The following SGMS2 variants were observed in gnomAD, a reference collection of about 807,000 sequenced individuals.
SGMS2 encodes phosphatidylcholine:ceramide cholinephosphotransferase 2.
SGMS2 carries 21 observed loss-of-function variants against 43.8 expected under a neutral mutation model. The observed-to-expected ratio is 0.48, with a 90% CI of 0.34 to 0.69. SGMS2 has a LOEUF of 0.69. Among genes scored for constraint, SGMS2 ranks in the 30% least tolerant of loss-of-function variants. The pLI, the probability that SGMS2 is intolerant of heterozygous loss-of-function variation, is 0.01. For synonymous variants in SGMS2, 167 were observed against 160.6 expected (o/e 1.04, Z -0.30); for missense variants, 384 against 443.2 (o/e 0.87, Z 1.20).
At chr4:107,862,392 A>G (rs1727786842) in intron 2 of SGMS2, among the ~76,000 whole-genome samples, 1 of 152,220 alleles carries the variant, frequency 6.6e-6, no homozygotes, top group African/African-American at 2.4e-5. Flanking sequence ...ATATTGTGCT[A>G]ATCAATTCTT....
At chr4:107,831,300 C>T (rs996112856) in intron 1 of SGMS2, among the ~76,000 whole-genome samples, 3 of 152,050 alleles carry the variant, frequency 2.0e-5, no homozygotes, top group South Asian at 4.1e-4. Flanking sequence ...TTCTGTGGTC[C>T]GTGCTGCCTT....
intron 1 of SGMS2, among the ~76,000 whole-genome samples, chr4:107,831,303 G>T (rs890059714): frequency 1.7e-4 from 26 of 152,136 alleles, no homozygotes; most frequent in African/African-American, 6.3e-4. Flanking sequence ...TGTGGTCCGT[G>T]CTGCCTTAAG....
chr4:107,904,558 T>C (rs1043702297), intron 5 of SGMS2, among the ~76,000 whole-genome samples: 5 of 152,306 alleles, frequency 3.3e-5, no homozygotes, highest in South Asian at 2.1e-4. Flanking sequence ...TTTGTGAGAA[T>C]TGTAGCGTCT....
At chr4:107,829,883 C>G (rs1288988533) in intron 1 of SGMS2, among the ~76,000 whole-genome samples, 1 of 152,052 alleles carries the variant, frequency 6.6e-6, no homozygotes, top group African/African-American at 2.4e-5. Flanking sequence ...CATGCAATTC[C>G]TTTATTTTTC....
At chr4:107,836,838 TAGAGAGACTGGG>T (rs1368913583) in intron 1 of SGMS2, among the ~76,000 whole-genome samples, 1 of 152,024 alleles carries the variant, frequency 6.6e-6, no homozygotes, top group Admixed American at 6.6e-5. Context: ...CCAGGCATAG[TAGAGAGACTGGG>T]AGAGAGGATG....
intron 2 of SGMS2, among the ~76,000 whole-genome samples, chr4:107,859,028 C>T (rs1008100442): frequency 2.6e-5 from 4 of 152,198 alleles, no homozygotes; most frequent in African/African-American, 9.7e-5. Context: ...AATTAAAGAG[C>T]TGTGGCAGTT....
rs1352303470 is a variant in SGMS2, at chr4:107,863,737, C to G, written c.-245+5184C>G. On this transcript the variant is annotated intron_variant, in intron 2 of 6. Coordinates refer to ENST00000690982, the MANE Select transcript of SGMS2 (RefSeq NM_001375905.1). Reference sequence around the variant, plus strand: ...ACTGTTTTTTCCTTCTGTTATATCCCCCTTTTTATATAAGATATAATAAAA... The same window carrying G: ...ACTGTTTTTTCCTTCTGTTATATCCGCCTTTTTATATAAGATATAATAAAA... 4 of 152,064 alleles carry G rather than the reference C, an allele frequency of 2.6e-5. No homozygotes were observed. The East Asian group carries it at 7.7e-4, about 29-fold the overall frequency. The allele number at this position is 152,064 out of a possible 1,614,324, so 9.4% of individuals were successfully genotyped here. A position where few individuals can be genotyped will look rare whatever the true frequency, so the allele number is the denominator to read the frequency against.
chr4:107,828,579 CTTAG>C (rs1363402633), intron 1 of SGMS2, among the ~76,000 whole-genome samples: 3 of 152,318 alleles, frequency 2.0e-5, no homozygotes, highest in African/African-American at 7.2e-5. Flanking sequence ...TCGCTGAACA[CTTAG>C]TTTGTTGCCA....
At chr4:107,893,875 CCATT>C (rs1487162665) in intron 2 of SGMS2, among the ~76,000 whole-genome samples, 1 of 152,152 alleles carries the variant, frequency 6.6e-6, no homozygotes, top group Non-Finnish European at 1.5e-5. Context: ...TCACAATATG[CCATT>C]CAGTCTTCTC....
chr4:107,905,833 T>A (rs560966275), intron 5 of SGMS2, among the ~76,000 whole-genome samples: 1 of 152,352 alleles, frequency 6.6e-6, no homozygotes, highest in South Asian at 2.1e-4. Flanking sequence ...AACTTGTGAT[T>A]GATTTTATAC....
At position 107,900,448 on chromosome 4, in the gene SGMS2, G is replaced by A. The variant is rs150591272; in HGVS notation, c.573+756G>A. Among the ~76,000 whole-genome samples the A allele has an allele frequency of 3.5e-4, 53 of 152,246 alleles. No individual in the cohort carries two copies. In the East Asian group the frequency reaches 0.01, roughly 29 times the overall value. ...GAAATAATGAGAAGTTGTTCAGTTC[G>A]GGATATAGGATATGCTAATAAGTTG... On this transcript the variant is annotated intron_variant, in intron 4 of 6. Transcript: ENST00000690982.
chr4:107,837,415 G>A (rs1424753900), intron 1 of SGMS2, among the ~76,000 whole-genome samples: 2 of 152,158 alleles, frequency 1.3e-5, no homozygotes, highest in African/African-American at 4.8e-5. Context: ...ACTCAGCAGA[G>A]TGAACAGAAT....
chr4:107,863,512 G>C (rs1051501631), intron 2 of SGMS2: 6 of 152,102 alleles, frequency 3.9e-5, no homozygotes, highest in African/African-American at 1.4e-4. Flanking sequence ...TGATTTCAAG[G>C]ACTGCAATCA....
chr4:107,835,305 G>A (rs996399717), intron 1 of SGMS2, among the ~76,000 whole-genome samples: 6 of 152,034 alleles, frequency 3.9e-5, no homozygotes, highest in Non-Finnish European at 8.8e-5. Context: ...AAAAAAATTG[G>A]AAACTCAAAC....
At chr4:107,827,013 T>G (rs1217771804) in intron 1 of SGMS2, among the ~76,000 whole-genome samples, 3 of 152,338 alleles carry the variant, frequency 2.0e-5, no homozygotes, top group Admixed American at 1.3e-4. Flanking sequence ...TTAAACTCTT[T>G]GGGATTTTTG....
rs1241217582 is a variant in SGMS2, at chr4:107,825,093, G to A, written c.-487G>A. The stretch of plus-strand genomic sequence containing the variant: ...CCCTAGTCAGGCCGCGGCGTGGGAG[G>A]GCGAGACCCCGAGCAAACTTTCTAG... On this transcript the variant is annotated 5_prime_UTR_variant, in exon 1 of 7. Coordinates refer to ENST00000690982, the MANE Select transcript of SGMS2 (RefSeq NM_001375905.1). The A allele has an allele frequency of 6.6e-6, 1 of 152,334 alleles. No homozygotes were observed. The highest frequency in any genetic ancestry group is 1.9e-4 in the East Asian group (1 of 5,142). 9.4% of individuals were successfully genotyped at this position (152,334 alleles called of 1,614,324 possible).
At chr4:107,868,230 T>A (rs979055810) in intron 2 of SGMS2, among the ~76,000 whole-genome samples, 1 of 152,226 alleles carries the variant, frequency 6.6e-6, no homozygotes, top group African/African-American at 2.4e-5. Context: ...TAGTTTTGCA[T>A]GATTTTATCG....
intron 1 of SGMS2, among the ~76,000 whole-genome samples, chr4:107,826,548 C>CT (rs149057725): frequency 0.056 from 8,347 of 149,748 alleles, 299 homozygotes; most frequent in Non-Finnish European, 0.072. Flanking sequence ...TTACCTTTAC[C>CT]TTTTTTTTTT....
At chr4:107,890,136 G>C (rs555179092) in intron 2 of SGMS2, among the ~76,000 whole-genome samples, 16 of 152,222 alleles carry the variant, frequency 1.1e-4, no homozygotes, top group African/African-American at 3.9e-4. Flanking sequence ...AATAAATCAG[G>C]TAACAATATA....
Sources: allele counts gnomAD v4.1 joint callset (sites outside exome capture counted in the v4.1 genomes callset), GRCh38; gene constraint gnomAD v4.1.1; transcripts MANE v1.5; gene names NCBI Gene and HGNC (gene_info 2026-07-23, HGNC 2026-07-21).